PCMTD1: variants seen among roughly 807,000 people sequenced by gnomAD.
PCMTD1 encodes the protein protein-L-isoaspartate (D-aspartate) O-methyltransferase domain containing 1.
Under a neutral mutation model 37.6 loss-of-function variants are expected in PCMTD1, and 12 were observed. That is an observed-to-expected ratio of 0.32 (90% CI 0.20 to 0.52). The LOEUF is 0.52. PCMTD1 is among the 20% of genes least tolerant of loss of function. The probability of loss-of-function intolerance (pLI) is 0.97; values close to 1 mark genes in which losing one functional copy is unlikely to be tolerated. For synonymous variants in PCMTD1, 117 were observed against 135.8 expected (o/e 0.86, Z 0.96); for missense variants, 235 against 421.3 (o/e 0.56, Z 3.87).
intron 3 of PCMTD1, among the ~76,000 whole-genome samples, chr8:51,838,172 T>G (rs2038094524): frequency 6.6e-6 from 1 of 152,170 alleles, no homozygotes; most frequent in Non-Finnish European, 1.5e-5. Context: ...TTAATATTTT[T>G]TCCAAAAGTC....
intron 3 of PCMTD1, among the ~76,000 whole-genome samples, chr8:51,838,445 T>C (rs1414629893): frequency 6.6e-6 from 1 of 151,786 alleles, no homozygotes; most frequent in South Asian, 2.1e-4. Flanking sequence ...GCTATGACCA[T>C]GGCCACTGCA....
chr8:51,827,133 TC>T (rs1177317364), intron 5 of PCMTD1: 1 of 1,055,314 alleles, frequency 9.5e-7, no homozygotes, highest in Non-Finnish European at 1.2e-6. Context: ...TCTCCATACA[TC>T]CTATTAAATT....
intron 5 of PCMTD1, among the ~76,000 whole-genome samples, chr8:51,830,873 T>C (rs534448871): frequency 6.6e-6 from 1 of 152,218 alleles, no homozygotes; most frequent in South Asian, 2.1e-4. Context: ...CCACAACCAG[T>C]AACTTGCCAC....
At chr8:51,840,670 C>T (rs1450169804) in intron 3 of PCMTD1, among the ~76,000 whole-genome samples, 1 of 151,780 alleles carries the variant, frequency 6.6e-6, no homozygotes, top group African/African-American at 2.4e-5. Flanking sequence ...TTTTCAAATG[C>T]AAATCATATG....
chr8:51,847,522 G>A (rs2038239435), intron 2 of PCMTD1, among the ~76,000 whole-genome samples: 1 of 152,048 alleles, frequency 6.6e-6, no homozygotes. Context: ...AGTTTCTTGG[G>A]AGGCTGAGGC....
In PCMTD1 at chr8:51,820,566, T is replaced by C; in HGVS notation, c.859A>G (p.Thr287Ala). 1.2e-6 allele frequency: 2 copies of C among 1,612,896 alleles called. No individual in the cohort carries two copies. The highest frequency in any genetic ancestry group is 1.7e-6 in the Non-Finnish European group (2 of 1,179,694). Residue 287 changes from threonine to alanine, a missense_variant, in exon 6 of 6, where the codon ACT becomes GCT. Thr to Ala is a moderately conservative substitution (Grantham distance 58). Around this residue, in one of 3 missense-constraint regions of PCMTD1, gnomAD observed 183 missense variants for 349.3 expected, o/e 0.52. Transcript: ENST00000522514. Reference sequence around the variant, plus strand: ...AGCTGATTACCCACAAATACGTAAGTGTTAATTCTCTGTTTAACTCTCTTT... The same window carrying C: ...AGCTGATTACCCACAAATACGTAAGCGTTAATTCTCTGTTTAACTCTCTTT... ...KRKRVKQRINTYVFVGNQLIP... is the reference protein window; with the variant it reads ...KRKRVKQRINAYVFVGNQLIP...
At chr8:51,841,731 ATCC>A (rs2038149608) in intron 3 of PCMTD1, among the ~76,000 whole-genome samples, 1 of 152,180 alleles carries the variant, frequency 6.6e-6, no homozygotes, top group Non-Finnish European at 1.5e-5. Flanking sequence ...CTTTCCCAAT[ATCC>A]TCCTTTCCTC....
chr8:51,891,599 T>C (rs896568272), intron 1 of PCMTD1, among the ~76,000 whole-genome samples: 7 of 150,252 alleles, frequency 4.7e-5, no homozygotes, highest in African/African-American at 1.5e-4. Context: ...AAATTTAGCA[T>C]AGAATGCCTG....
chr8:51,860,503 C>T, intron 2 of PCMTD1: 1 of 176,834 alleles, frequency 5.7e-6, no homozygotes, highest in Admixed American at 5.7e-5. Context: ...GCACAATGCT[C>T]TTAGATAACC....
intron 3 of PCMTD1, among the ~76,000 whole-genome samples, chr8:51,834,582 T>C (rs1415178493): frequency 1.5e-5 from 2 of 135,658 alleles, no homozygotes; most frequent in Admixed American, 1.6e-4. Context: ...AAAGTTAATA[T>C]GATCATAGAG....
intron 1 of PCMTD1, among the ~76,000 whole-genome samples, chr8:51,866,870 A>C (rs1325502504): frequency 1.3e-5 from 2 of 151,900 alleles, no homozygotes; most frequent in Non-Finnish European, 2.9e-5. Flanking sequence ...TATTGAAAAA[A>C]CAAAACAAAA....
At chr8:51,898,794 T>TC (rs2039050742) in intron 1 of PCMTD1, 136 bp downstream of exon 1, 2 of 854,528 alleles carry the variant, frequency 2.3e-6, no homozygotes, top group East Asian at 7.2e-5. Context: ...CGCCCTTAAG[T>TC]CCCCCTGCCC....
intron 1 of PCMTD1, among the ~76,000 whole-genome samples, chr8:51,881,170 T>C (rs901561059): frequency 6.6e-6 from 1 of 152,250 alleles, no homozygotes. Flanking sequence ...CTTCTGATCA[T>C]GGAACAAGCC....
intron 1 of PCMTD1, among the ~76,000 whole-genome samples, chr8:51,897,065 C>A (rs2039012966): frequency 6.6e-6 from 1 of 152,130 alleles, no homozygotes; most frequent in African/African-American, 2.4e-5. Flanking sequence ...GTTTCCAAAT[C>A]ATAAAATACT....
chr8:51,833,465 AAAC>A, intron 4 of PCMTD1, 50 bp downstream of exon 4: 1 of 1,450,140 alleles, frequency 6.9e-7, no homozygotes, highest in African/African-American at 1.4e-5. Flanking sequence ...TCTTAACCTT[AAAC>A]AAATTTGCTT....
rs1312896845 is a variant in PCMTD1 at position 51,825,610 on chromosome 8, C to A, written c.707-4892G>T. Among the ~76,000 whole-genome samples the A allele has an allele frequency of 4.6e-5, 2 of 43,822 alleles. 1 individual carries two copies. Among genetic ancestry groups the A allele is most frequent in the South Asian group, 2.8e-3 (2 of 722 alleles). The allele number at this position is 43,822 out of a possible 152,430, so 28.7% of individuals were successfully genotyped here. ...TCGGGAGGCTGAGGCAGGAGAATGG[C>A]GTGAACCCAGGAAGCGGAGCTTGCA... On this transcript the variant is annotated intron_variant, in intron 5 of 5. Transcript: ENST00000522514.
chr8:51,895,169 CATCT>C (rs1220053885), intron 1 of PCMTD1, among the ~76,000 whole-genome samples: 1 of 152,178 alleles, frequency 6.6e-6, no homozygotes, highest in African/African-American at 2.4e-5. Flanking sequence ...CTACAGGCAA[CATCT>C]ATCTATACTT....
chr8:51,830,318 G>A (rs1374131952), intron 5 of PCMTD1, among the ~76,000 whole-genome samples: 1 of 152,190 alleles, frequency 6.6e-6, no homozygotes. Context: ...ACTTGCTCAT[G>A]AAGCAGGTTC....
At chr8:51,847,389 G>A (rs2038237621) in intron 2 of PCMTD1, among the ~76,000 whole-genome samples, 1 of 152,190 alleles carries the variant, frequency 6.6e-6, no homozygotes, top group Non-Finnish European at 1.5e-5. Context: ...CACTTTGGGA[G>A]GCCAAGGCGG....
Sources: allele counts gnomAD v4.1 joint callset (sites outside exome capture counted in the v4.1 genomes callset), GRCh38; gene constraint gnomAD v4.1.1; regional missense constraint gnomAD v4.1.1; transcripts MANE v1.5; gene names NCBI Gene and HGNC (gene_info 2026-07-23, HGNC 2026-07-21).